The following PHC2 variants were observed in gnomAD, a reference collection of about 807,000 sequenced individuals.
PHC2 encodes polyhomeotic-like protein 2.
PHC2 carries 29 observed loss-of-function variants against 87.4 expected under a neutral mutation model. That is an observed-to-expected ratio of 0.33 (90% CI 0.25 to 0.45). The LOEUF (loss-of-function observed/expected upper bound fraction) is 0.45. PHC2 is among the 20% of genes least tolerant of loss of function. The pLI, the probability that PHC2 is intolerant of heterozygous loss-of-function variation, is 1.00. For synonymous variants in PHC2, 438 were observed against 461.7 expected, an observed-to-expected ratio of 0.95 and a Z score of 0.66; for missense variants, 857 against 1,136.7, an observed-to-expected ratio of 0.75 and a Z score of 3.54.
chr1:33,338,833 C>T (rs959629034), intron 9 of PHC2, among the ~76,000 whole-genome samples: 6 of 151,670 alleles, frequency 4.0e-5, no homozygotes, highest in Non-Finnish European at 8.8e-5. Flanking sequence ...AGGATAAGGC[C>T]GATGGGAGAG....
intron 1 of PHC2, among the ~76,000 whole-genome samples, chr1:33,411,396 A>G (rs1247000538): frequency 6.6e-6 from 1 of 152,178 alleles, no homozygotes; most frequent in East Asian, 1.9e-4. Flanking sequence ...CTACCTTAAG[A>G]TACTGCTAGT....
intron 3 of PHC2, 97 bp from the exon 4 acceptor site, chr1:33,371,191 A>G: frequency 9.6e-7 from 1 of 1,037,432 alleles, no homozygotes; most frequent in Non-Finnish European, 1.5e-6. Flanking sequence ...GCTGGTGTTA[A>G]GGACAACAGC....
chr1:33,383,542 T>G (rs576470742), intron 1 of PHC2, among the ~76,000 whole-genome samples: 1 of 152,260 alleles, frequency 6.6e-6, no homozygotes, highest in East Asian at 1.9e-4. Flanking sequence ...TATAACAAGG[T>G]GGTGCTGGTT....
At chr1:33,421,785 T>C (rs898064543) in intron 1 of PHC2, among the ~76,000 whole-genome samples, 2 of 152,274 alleles carry the variant, frequency 1.3e-5, no homozygotes, top group South Asian at 2.1e-4. Context: ...AGAGTAAACA[T>C]ACTGGCAGTA....
chr1:33,427,066 C>T (rs949865894), intron 1 of PHC2, among the ~76,000 whole-genome samples: 1 of 152,164 alleles, frequency 6.6e-6, no homozygotes, highest in East Asian at 1.9e-4. Flanking sequence ...TTCAGGAAAG[C>T]TTTAGAGTCT....
At chr1:33,341,033 G>C (rs1285378554) in intron 9 of PHC2, among the ~76,000 whole-genome samples, 3 of 152,054 alleles carry the variant, frequency 2.0e-5, no homozygotes, top group Admixed American at 6.6e-5. Flanking sequence ...AAGCAACTTG[G>C]CCTCAGAGGT....
At chr1:33,341,910 C>A (rs1048920352) in intron 9 of PHC2, among the ~76,000 whole-genome samples, 22 of 152,256 alleles carry the variant, frequency 1.4e-4, no homozygotes, top group African/African-American at 5.1e-4. Flanking sequence ...CTTTTCAAAT[C>A]TGCTAAGGGC....
chr1:33,374,835 AGG>A (rs1229096392), intron 2 of PHC2, among the ~76,000 whole-genome samples: 1 of 152,188 alleles, frequency 6.6e-6, no homozygotes, highest in Non-Finnish European at 1.5e-5. Flanking sequence ...AATAACCAAA[AGG>A]ATAAGCGTGC....
chr1:33,362,732 A>ACTC (rs1474102991), intron 7 of PHC2, among the ~76,000 whole-genome samples: 1 of 148,434 alleles, frequency 6.7e-6, no homozygotes, highest in Admixed American at 6.7e-5. Context: ...CAGCTGAGAT[A>ACTC]CTCCTCCTCC....
intron 9 of PHC2, among the ~76,000 whole-genome samples, chr1:33,351,951 C>CA (rs10718909): frequency 0.29 from 25,581 of 87,200 alleles, 4,068 homozygotes; most frequent in East Asian, 0.4. Flanking sequence ...GAATGCATCT[C>CA]AAAAAAAAAA....
chr1:33,409,936 T>C (rs1451551792), intron 1 of PHC2, among the ~76,000 whole-genome samples: 1 of 152,218 alleles, frequency 6.6e-6, no homozygotes, highest in East Asian at 1.9e-4. Flanking sequence ...TAAAAATATT[T>C]TGAAGAATAC....
At chr1:33,379,293 G>A (rs902274602) in intron 1 of PHC2, among the ~76,000 whole-genome samples, 3 of 20,704 alleles carry the variant, frequency 1.4e-4, no homozygotes, top group Admixed American at 4.4e-4. Flanking sequence ...CCCGCCCACC[G>A]CCCCCCTGCC....
chr1:33,373,284 A>AT lies in PHC2; in HGVS notation c.175-838dup, dbSNP rs1012877329. ...AGGTGCCCGCCACCACACCTGGCTAATTTTTTTTGTATTTTTAGTAGAGAC... is the reference window on the plus strand; with the variant it reads ...AGGTGCCCGCCACCACACCTGGCTAATTTTTTTTTGTATTTTTAGTAGAGAC... On this transcript the variant is annotated intron_variant, in intron 2 of 14. Coordinates refer to ENST00000683057, the MANE Select transcript of PHC2 (RefSeq NM_001385109.1). 1.1e-4 allele frequency among the ~76,000 whole-genome samples: 16 copies of AT among 151,652 alleles called. No homozygotes were observed. In the South Asian group the frequency reaches 1.3e-3, roughly 12 times the overall value.
At chr1:33,376,668 T>C (rs4653117) in intron 1 of PHC2, among the ~76,000 whole-genome samples, 109,170 of 152,192 alleles carry the variant, frequency 0.72, 39,935 homozygotes, top group African/African-American at 0.86. Context: ...CGGTGGCTCA[T>C]GCCTGTAATC....
intron 1 of PHC2, among the ~76,000 whole-genome samples, chr1:33,407,729 G>A (rs1649821087): frequency 6.6e-6 from 1 of 152,180 alleles, no homozygotes; most frequent in Non-Finnish European, 1.5e-5. Flanking sequence ...TTCAGAGAGA[G>A]AGGTATTTTT....
In PHC2 at chr1:33,371,094, C is replaced by G. The variant is rs1647802383; in HGVS notation, c.334G>C (p.Ala112Pro). The change falls in exon 4 of 15, where the codon GCA becomes CCA. Residue 112 changes from alanine (A) to proline (P), a missense_variant and splice_region_variant. Around this residue, in one of 3 missense-constraint regions of PHC2, gnomAD observed 832 missense variants for 1,081.8 expected, o/e 0.77. Coordinates refer to ENST00000683057, the MANE Select transcript of PHC2 (RefSeq NM_001385109.1). ...CCTTGTCTATTGGATACCAGGCTTG[C>G]CTAGGAAAGAACAAACTCCTCTTGC... ...QLQSLAAVQQASLVSNRQGST... is the reference protein window; with the variant it reads ...QLQSLAAVQQPSLVSNRQGST... The G allele has an allele frequency of 1.2e-6, 2 of 1,613,610 alleles. No homozygotes were observed. The highest frequency in any genetic ancestry group is 2.2e-5 in the East Asian group (1 of 44,890).
At chr1:33,380,651 A>G (rs909537364) in intron 1 of PHC2, among the ~76,000 whole-genome samples, 39 of 152,344 alleles carry the variant, frequency 2.6e-4, no homozygotes, top group Middle Eastern at 3.4e-3. Context: ...AACACGGCAT[A>G]TAAGTCCTTG....
chr1:33,378,830 C>T (rs1344512349), intron 1 of PHC2, among the ~76,000 whole-genome samples: 1 of 151,990 alleles, frequency 6.6e-6, no homozygotes, highest in Non-Finnish European at 1.5e-5. Flanking sequence ...ATTTATTTGT[C>T]ATCCCATCAC....
intron 7 of PHC2, among the ~76,000 whole-genome samples, chr1:33,366,062 C>T (rs1647430775): frequency 6.6e-6 from 1 of 152,198 alleles, no homozygotes; most frequent in Non-Finnish European, 1.5e-5. Context: ...CTTCTTTTGA[C>T]TGCACACTCT....
Sources: gnomAD v4.1 joint callset for allele counts (sites outside exome capture counted in the v4.1 genomes callset) on GRCh38, gnomAD v4.1.1 for gene constraint, gnomAD v4.1.1 regional missense constraint, MANE v1.5 for transcripts, NCBI Gene and HGNC (gene_info 2026-07-23, HGNC 2026-07-21) for gene names.